Variants in CORO7 observed in about 807,000 individuals in gnomAD.
The protein encoded by CORO7 is coronin 7.
Under a neutral mutation model 126.6 loss-of-function variants are expected in CORO7, and 107 were observed. That is an observed-to-expected ratio of 0.85 (90% CI 0.72 to 0.99). The LOEUF (loss-of-function observed/expected upper bound fraction) is 0.99, where lower values mean the gene tolerates loss of function less well. Ranked by LOEUF, CORO7 falls within the 50% of genes least tolerant of loss-of-function variation. The pLI is 0.00. For missense variants in CORO7, 1,314 were observed against 1,255.8 expected (o/e 1.05, Z -0.70); for synonymous variants, 603 against 536.8 (o/e 1.12, Z -1.70).
chr16:4,399,047 A>G (rs1483383128), intron 6 of CORO7, among the ~76,000 whole-genome samples: 1 of 152,220 alleles, frequency 6.6e-6, no homozygotes, highest in African/African-American at 2.4e-5. Flanking sequence ...GGGATTGTAA[A>G]ATGGTGCAAC....
intron 9 of CORO7, among the ~76,000 whole-genome samples, chr16:4,367,870 G>A (rs749772078): frequency 7.2e-5 from 11 of 151,986 alleles, no homozygotes; most frequent in African/African-American, 9.7e-5. Context: ...TCCAGTGGAC[G>A]AGCAATGAAA....
In CORO7 at chr16:4,361,233, C is replaced by T. The variant is rs760975925; in HGVS notation, c.1703G>A (p.Arg568Lys). 1.9e-6 allele frequency: 3 copies of T among 1,612,636 alleles called. No homozygotes were observed. Among genetic ancestry groups the T allele is most frequent in the African/African-American group, 2.7e-5 (2 of 74,934 alleles). ...HRLAVAGEDA[R>K]IRLWRVPAEG... ...TGCGGGTACCCGCCACAGTCGGATC[C>T]TGGCGTCCTCACCAGCTGCAGAGGA... is the stretch of plus-strand genomic sequence containing the variant. The change falls in exon 18 of 28, where the codon AGG (arginine) becomes AAG (lysine). Residue 568 changes from arginine (R) to lysine (K), a missense_variant. Physicochemically the swap from Arg to Lys is conservative, Grantham distance 26. Transcript: ENST00000251166.
chr16:4,388,746 G>A (rs1006983336), intron 7 of CORO7, 115 bp from the exon 8 acceptor site: 12 of 1,188,902 alleles, frequency 1.0e-5, no homozygotes, highest in Non-Finnish European at 1.4e-5. Flanking sequence ...AAGCCTCACA[G>A]AGGGTGGGAA....
At chr16:4,395,170 G>C (rs2055537274) in intron 7 of CORO7, 119 bp downstream of exon 7, 4 of 1,439,826 alleles carry the variant, frequency 2.8e-6, no homozygotes, top group Non-Finnish European at 3.8e-6. Context: ...GGGACCCCTG[G>C]TGCTGCAGAA....
chr16:4,358,532 G>A lies in CORO7; in HGVS notation c.2341-49C>T, dbSNP rs1205675887. On this transcript the variant is annotated intron_variant, in intron 23 of 27. Coordinates refer to ENST00000251166, the MANE Select transcript of CORO7 (RefSeq NM_024535.5). ...CTGCCGCTGGGACCTAGAGCTCATG[G>A]CTGGGCACGTAGTCTCCCCAGGGTG... is the stretch of plus-strand genomic sequence containing the variant. 5 of 1,523,176 alleles carry A rather than the reference G, an allele frequency of 3.3e-6. No homozygotes were observed. The South Asian group carries it at 6.2e-5, about 19-fold the overall frequency. The allele number at this position is 1,523,176 out of a possible 1,614,324, so 94.4% of individuals were successfully genotyped here.
chr16:4,358,455 C>T lies in CORO7; in HGVS notation c.2369G>A (p.Cys790Tyr), dbSNP rs2054052263. The change falls in exon 24 of 28, where the codon TGC becomes TAC. Residue 790 changes from cysteine (C) to tyrosine (Y), a missense_variant. By Grantham distance (194) the Cys-to-Tyr change is radical. Coordinates refer to ENST00000251166, the MANE Select transcript of CORO7 (RefSeq NM_024535.5). Reference protein sequence around the residue: ...KGLVLLPKTECDVREVELMRC... With the variant: ...KGLVLLPKTEYDVREVELMRC... ...CATCAGCTCCACTTCCCGCACGTCGCACTCCGTCTTAGGCAGGAGGACGAG... is the reference window on the plus strand; with the variant it reads ...CATCAGCTCCACTTCCCGCACGTCGTACTCCGTCTTAGGCAGGAGGACGAG... The T allele has an allele frequency of 6.2e-7, 1 of 1,609,698 alleles. No homozygotes were observed. Among genetic ancestry groups the T allele is most frequent in the Non-Finnish European group, 8.5e-7 (1 of 1,177,884 alleles).
intron 9 of CORO7, among the ~76,000 whole-genome samples, chr16:4,366,381 C>T (rs1318343042): frequency 1.3e-5 from 2 of 152,092 alleles, no homozygotes. Context: ...TGCCTCCCTC[C>T]CGGGGCCCCT....
At chr16:4,389,411 G>A (rs2055309174) in intron 7 of CORO7, among the ~76,000 whole-genome samples, 1 of 152,164 alleles carries the variant, frequency 6.6e-6, no homozygotes. Context: ...TGAGACGAAG[G>A]ACCCTGTTAC....
At chr16:4,389,211 C>T (rs1449525497) in intron 7 of CORO7, among the ~76,000 whole-genome samples, 3 of 152,136 alleles carry the variant, frequency 2.0e-5, no homozygotes, top group Admixed American at 6.5e-5. Context: ...GTCCAGAGAG[C>T]GCCAAGTAGT....
chr16:4,380,935 G>T (rs1279674344), intron 9 of CORO7: 1 of 1,590,178 alleles, frequency 6.3e-7, no homozygotes, highest in East Asian at 2.2e-5. Flanking sequence ...CCTGGGGCCT[G>T]GGGTGCAGGG....
chr16:4,359,690 C>G (rs2054096895), intron 21 of CORO7, 69 bp from the exon 22 acceptor site: 2 of 1,517,310 alleles, frequency 1.3e-6, no homozygotes, highest in Admixed American at 4.2e-5. Flanking sequence ...GGAGAAGGCG[C>G]CCACGTAGCC....
At position 4,364,414 on chromosome 16, in the gene CORO7, C is replaced by T; in HGVS notation, c.1138-1G>A. The T allele has an allele frequency of 6.7e-7, 1 of 1,502,632 alleles. No homozygotes were observed. The highest frequency in any genetic ancestry group is 1.4e-5 in the South Asian group (1 of 73,996). The allele number at this position is 1,502,632 out of a possible 1,614,324, so 93.1% of individuals were successfully genotyped here. On this transcript the variant is annotated splice_acceptor_variant, in intron 13 of 27. Coordinates refer to ENST00000251166, the MANE Select transcript of CORO7 (RefSeq NM_024535.5). LOFTEE classifies it high-confidence loss of function. The stretch of plus-strand genomic sequence containing the variant: ...CGGGGTTGAGGCTGACCTTCTGCAC[C>T]TGCATGGAGGCCGGCAGTGGGGAGA...
chr16:4,413,169 G>A, intron 2 of CORO7, 139 bp downstream of exon 2: 1 of 820,576 alleles, frequency 1.2e-6, no homozygotes, highest in African/African-American at 1.7e-5. Flanking sequence ...GGTCTGGCAT[G>A]GGGCTCACCT....
At position 4,405,511 on chromosome 16, in the gene CORO7, G is replaced by A. The variant is rs575711691; in HGVS notation, c.544C>T (p.Leu182=). ...CTCACCTTGCACGCCGTGCCCACCAGGGCTCCATCTCGGCTCCAGACGGCG... is the reference window on the plus strand; with the variant it reads ...CTCACCTTGCACGCCGTGCCCACCAAGGCTCCATCTCGGCTCCAGACGGCG... The part of the protein sequence containing the change: ...QSAVWSRDGA[L]VGTACKDKQL... The change falls in exon 6 of 28, where the codon CTG becomes TTG. Residue 182 remains leucine, a synonymous_variant. Coordinates refer to ENST00000251166, the MANE Select transcript of CORO7 (RefSeq NM_024535.5). 6.2e-7 allele frequency: 1 copy of A among 1,612,836 alleles called. No homozygotes were observed. Among genetic ancestry groups the A allele is most frequent in the Non-Finnish European group, 8.5e-7 (1 of 1,179,906 alleles).
chr16:4,361,709 C>G, intron 16 of CORO7: 1 of 786,746 alleles, frequency 1.3e-6, no homozygotes, highest in South Asian at 1.5e-5. Context: ...CGGCTTAGGG[C>G]TCAGGTGGCC....
intron 3 of CORO7, among the ~76,000 whole-genome samples, chr16:4,411,118 A>G (rs1472334914): frequency 6.6e-6 from 1 of 152,220 alleles, no homozygotes; most frequent in Non-Finnish European, 1.5e-5. Flanking sequence ...TTTACTTAAA[A>G]CAGGTAATCT....
At chr16:4,367,249 T>A (rs1480377807) in intron 9 of CORO7, among the ~76,000 whole-genome samples, 2 of 152,266 alleles carry the variant, frequency 1.3e-5, no homozygotes, top group East Asian at 3.9e-4. Flanking sequence ...CCACTGCTTG[T>A]AGAGGTGGAG....
At chr16:4,372,226 G>A (rs1352166044) in intron 9 of CORO7, among the ~76,000 whole-genome samples, 1 of 152,186 alleles carries the variant, frequency 6.6e-6, no homozygotes, top group Non-Finnish European at 1.5e-5. Context: ...GCCTGAGTGT[G>A]CGGTGAGCCC....
At chr16:4,394,768 A>G (rs181123319) in intron 7 of CORO7, among the ~76,000 whole-genome samples, 2 of 152,234 alleles carry the variant, frequency 1.3e-5, no homozygotes, top group Non-Finnish European at 1.5e-5. Context: ...ACGGTGTCCC[A>G]GTGGCTGGAT....
Sources: gnomAD v4.1 joint callset for allele counts (sites outside exome capture counted in the v4.1 genomes callset) on GRCh38, gnomAD v4.1.1 for gene constraint, MANE v1.5 for transcripts, NCBI Gene and HGNC (gene_info 2026-07-23, HGNC 2026-07-21) for gene names.